IPO11: variants seen among roughly 807,000 people sequenced by gnomAD.
IPO11 encodes the protein importin-11.
In IPO11, 66 loss-of-function variants were observed where a neutral mutation model predicts 143.2. That is an observed-to-expected ratio of 0.46 (90% confidence interval 0.38 to 0.57). The LOEUF is 0.57. Among genes scored for constraint, IPO11 ranks in the 20% least tolerant of loss-of-function variants. The pLI, the probability that IPO11 is intolerant of heterozygous loss-of-function variation, is 0.00. For missense variants in IPO11, 1,026 were observed against 1,141.0 expected (o/e 0.90, Z 1.45); for synonymous variants, 385 against 377.8 (o/e 1.02, Z -0.22).
At chr5:62,538,517 C>T (rs1465727865) in intron 24 of IPO11, among the ~76,000 whole-genome samples, 2 of 152,106 alleles carry the variant, frequency 1.3e-5, no homozygotes, top group Non-Finnish European at 2.9e-5. Context: ...TTATAAGGGC[C>T]TCCTCCCGCT....
At position 62,446,842 on chromosome 5, in the gene IPO11, G is replaced by T. The variant is rs115487269; in HGVS notation, c.240-3085G>T. 3.6e-3 allele frequency among the ~76,000 whole-genome samples: 541 copies of T among 152,034 alleles called. 4 individuals carry two copies. The highest frequency in any genetic ancestry group is 0.013 in the African/African-American group (528 of 41,492). ...AAACTAGCTGGACATGGTAGTGTAA[G>T]CCTGTACTCCCAGCTACTGAACAGG... On this transcript the variant is annotated intron_variant, in intron 3 of 29. Coordinates refer to ENST00000325324, the MANE Select transcript of IPO11 (RefSeq NM_016338.5).
intron 29 of IPO11, among the ~76,000 whole-genome samples, chr5:62,606,570 C>T (rs539425478): frequency 6.7e-6 from 1 of 150,188 alleles, no homozygotes; most frequent in Non-Finnish European, 1.5e-5. Flanking sequence ...GGTACGGTGG[C>T]TCACGCCTGT....
At chr5:62,619,649 C>T (rs1746273105) in intron 29 of IPO11, among the ~76,000 whole-genome samples, 1 of 151,496 alleles carries the variant, frequency 6.6e-6, no homozygotes, top group Non-Finnish European at 1.5e-5. Flanking sequence ...GTCAGGAGCT[C>T]AAGACCATCC....
intron 28 of IPO11, among the ~76,000 whole-genome samples, chr5:62,592,436 C>T (rs766229545): frequency 6.6e-6 from 1 of 152,076 alleles, no homozygotes; most frequent in African/African-American, 2.4e-5. Flanking sequence ...TGATATGTCA[C>T]TTAGCTTTTG....
intron 24 of IPO11, among the ~76,000 whole-genome samples, chr5:62,542,180 A>G (rs1484272745): frequency 6.6e-6 from 1 of 152,124 alleles, no homozygotes; most frequent in Non-Finnish European, 1.5e-5. Flanking sequence ...AAAAGAATGA[A>G]AAATTGAGAA....
chr5:62,476,147 G>A (rs1037962814), intron 8 of IPO11, among the ~76,000 whole-genome samples: 3 of 152,136 alleles, frequency 2.0e-5, no homozygotes, highest in African/African-American at 4.8e-5. Context: ...CCTTGTGGGC[G>A]TAGCAGAAGG....
chr5:62,588,655 C>T (rs1482209913), intron 27 of IPO11, among the ~76,000 whole-genome samples: 6 of 152,242 alleles, frequency 3.9e-5, no homozygotes, highest in Non-Finnish European at 8.8e-5. Flanking sequence ...CTCATTCATA[C>T]CCTCAGCTCT....
At chr5:62,525,356 CTTT>C (rs70981021) in intron 20 of IPO11, among the ~76,000 whole-genome samples, 6 of 144,528 alleles carry the variant, frequency 4.2e-5, no homozygotes, top group Admixed American at 6.9e-5. Flanking sequence ...TCCTCCCATC[CTTT>C]TTTTTTTTTT....
At chr5:62,563,264 G>C (rs185176024) in intron 27 of IPO11, among the ~76,000 whole-genome samples, 10 of 152,258 alleles carry the variant, frequency 6.6e-5, no homozygotes, top group Non-Finnish European at 1.2e-4. Context: ...ATGGTCCTTG[G>C]TGGTAGTCAG....
At chr5:62,565,354 C>T (rs1344829438) in intron 27 of IPO11, among the ~76,000 whole-genome samples, 6 of 152,014 alleles carry the variant, frequency 3.9e-5, no homozygotes, top group African/African-American at 1.5e-4. Flanking sequence ...GGTGTGGTGG[C>T]ACATGTTTGT....
At position 62,483,275 on chromosome 5, in the gene IPO11, C is replaced by T; in HGVS notation, c.1003C>T (p.Pro335Ser). ...GATTGTCAAAAATTATGCTTATAAG[C>T]CATCCAAAAATTTTGAAGGTAATTC... ...KMIVKNYAYK[P>S]SKNFEDSSPE... The change falls in exon 10 of 30, where the codon CCA (proline) becomes TCA (serine). Residue 335 changes from proline to serine, a missense_variant. By Grantham distance (74) the Pro-to-Ser change is moderately conservative (BLOSUM62 -1). This residue lies in a region of IPO11 where 429 missense variants were observed against 456.3 expected (regional missense o/e 0.94). Transcript: ENST00000325324. 1 of 1,566,958 alleles carries T rather than the reference C, an allele frequency of 6.4e-7. No homozygotes were observed. Among genetic ancestry groups the T allele is most frequent in the Non-Finnish European group, 8.6e-7 (1 of 1,157,156 alleles).
In IPO11 at chr5:62,480,199, C is replaced by G. The variant is rs182227309; in HGVS notation, c.829-2902C>G. ...CAGCACCATTTATTCAATAGGAATC[C>G]TTTCGCCATTTCTTGTTTTTGTCAG... On this transcript the variant is annotated intron_variant, in intron 9 of 29. Transcript: ENST00000325324. Among the ~76,000 whole-genome samples, 5 of 152,258 alleles carry G rather than the reference C, an allele frequency of 3.3e-5. No individual in the cohort carries two copies. In the East Asian group the frequency reaches 5.8e-4, roughly 18 times the overall value.
At chr5:62,439,520 C>T (rs1744381271) in intron 2 of IPO11, among the ~76,000 whole-genome samples, 1 of 151,650 alleles carries the variant, frequency 6.6e-6, no homozygotes, top group Non-Finnish European at 1.5e-5. Flanking sequence ...ATCTCTTGGC[C>T]TTGTGATCCG....
At chr5:62,539,449 G>A (rs1742851270) in intron 24 of IPO11, among the ~76,000 whole-genome samples, 1 of 152,174 alleles carries the variant, frequency 6.6e-6, no homozygotes, top group African/African-American at 2.4e-5. Context: ...ATCTTACCTT[G>A]ATTACATCTG....
At chr5:62,598,276 A>C (rs1309195622) in intron 28 of IPO11, among the ~76,000 whole-genome samples, 1 of 151,978 alleles carries the variant, frequency 6.6e-6, no homozygotes, top group Non-Finnish European at 1.5e-5. Flanking sequence ...AACTGTACAG[A>C]TTCAGGGTTC....
intron 1 of IPO11, among the ~76,000 whole-genome samples, chr5:62,423,876 T>A (rs1743603696): frequency 6.6e-6 from 1 of 152,248 alleles, no homozygotes; most frequent in Non-Finnish European, 1.5e-5. Flanking sequence ...GAAATTAATT[T>A]CTTTCTTGTC....
chr5:62,595,214 C>T (rs1397485327), intron 28 of IPO11, among the ~76,000 whole-genome samples: 1 of 152,042 alleles, frequency 6.6e-6, no homozygotes, highest in Non-Finnish European at 1.5e-5. Flanking sequence ...TAAATGAGAA[C>T]CTACTGCTGT....
At chr5:62,552,523 G>T (rs1743424719) in intron 26 of IPO11, among the ~76,000 whole-genome samples, 1 of 147,912 alleles carries the variant, frequency 6.8e-6, no homozygotes. Context: ...TATTTTCCAA[G>T]CTGTTCTCAA....
At chr5:62,624,453 A>G (rs1341911829) in intron 29 of IPO11, among the ~76,000 whole-genome samples, 2 of 142,138 alleles carry the variant, frequency 1.4e-5, no homozygotes, top group African/African-American at 2.7e-5. Context: ...GTCTTTTAGC[A>G]TGCTAATGCA....
Sources: allele counts gnomAD v4.1 joint callset (sites outside exome capture counted in the v4.1 genomes callset), GRCh38; gene constraint gnomAD v4.1.1; regional missense constraint gnomAD v4.1.1; transcripts MANE v1.5; gene names NCBI Gene and HGNC (gene_info 2026-07-23, HGNC 2026-07-21).